Variants in MDN1 observed in about 807,000 individuals in gnomAD.
The protein encoded by MDN1 is midasin AAA ATPase 1, also known as midasin.
Under a neutral mutation model 669.2 loss-of-function variants are expected in MDN1, and 266 were observed. That is an observed-to-expected ratio of 0.40 (90% CI 0.36 to 0.44). The LOEUF (loss-of-function observed/expected upper bound fraction) is 0.44, where lower values mean the gene tolerates loss of function less well. Ranked by LOEUF, MDN1 falls within the 20% of genes least tolerant of loss-of-function variation. The pLI is 1.00. For synonymous variants in MDN1, 2,385 were observed against 2,457.1 expected (o/e 0.97, Z 0.87); for missense variants, 5,940 against 6,754.0 (o/e 0.88, Z 4.22).
Position 89,723,515 on chromosome 6 carries a change from G to A in MDN1, c.5775C>T (p.Asn1925=). 1 of 1,540,042 alleles carries A rather than the reference G, an allele frequency of 6.5e-7. No homozygotes were observed. Among genetic ancestry groups the A allele is most frequent in the Non-Finnish European group, 8.9e-7 (1 of 1,122,590 alleles). Residue 1925 remains asparagine, a synonymous_variant, in exon 39 of 102, where the codon AAC becomes AAT. Coordinates refer to ENST00000369393, the MANE Select transcript of MDN1 (RefSeq NM_014611.3). ...ACCAATACGTGTAGGTACTTACTTG[G>A]TTATTGAAAGCAACCATTTTCTTAA... ...NIVKKMVAFN[N]QIDHEVTVEK... is the part of the protein sequence containing the mutation.
intron 38 of MDN1, among the ~76,000 whole-genome samples, chr6:89,723,884 C>A (rs1815011817): frequency 6.6e-6 from 1 of 152,174 alleles, no homozygotes; most frequent in African/African-American, 2.4e-5. Flanking sequence ...GTGGCTCACA[C>A]CTGTAATCCC....
In MDN1 at chr6:89,803,890, C is replaced by CTTTCTTTTTTTTTTTT. The variant is rs377468650; in HGVS notation, c.103-337_103-336insAAAAAAAAAAAAGAAA. ...GCCACCGCGCCCGGCCTTTTCTTTT[C>CTTTCTTTTTTTTTTTT]TTTTCTTTTTTTTTTTTTTTTTTTT... On this transcript the variant is annotated intron_variant, in intron 1 of 101. Transcript: ENST00000369393. Among the ~76,000 whole-genome samples, 19 of 93,220 alleles carry CTTTCTTTTTTTTTTTT rather than the reference C, an allele frequency of 2.0e-4. 2 individuals carry two copies. Among genetic ancestry groups the CTTTCTTTTTTTTTTTT allele is most frequent in the Admixed American group, 7.6e-4 (5 of 6,622 alleles). The allele number at this position is 93,220 out of a possible 152,430, so 61.2% of individuals were successfully genotyped here. A position where few individuals can be genotyped will look rare whatever the true frequency, so the allele number is the denominator to read the frequency against.
At chr6:89,777,932 T>A (rs1037772431) in intron 11 of MDN1, among the ~76,000 whole-genome samples, 2 of 152,182 alleles carry the variant, frequency 1.3e-5, no homozygotes, top group Non-Finnish European at 2.9e-5. Flanking sequence ...CCATTTCCCA[T>A]ATGGCTAGCC....
chr6:89,810,004 A>AT lies in MDN1; in HGVS notation c.103-6451_103-6450insA, dbSNP rs1232763885. 4.1e-4 allele frequency among the ~76,000 whole-genome samples: 57 copies of AT among 140,106 alleles called. 1 individual carries two copies. The highest frequency in any genetic ancestry group is 1.5e-4 in the Admixed American group (2 of 13,782). The allele number at this position is 140,106 out of a possible 152,430, so 91.9% of individuals were successfully genotyped here. ...AGACTCCGTTTCACTAAAAAAAAAA[A>AT]AAAAAAAAAAAAAAAAAAAAAATTA... is the stretch of plus-strand genomic sequence containing the variant. On this transcript the variant is annotated intron_variant, in intron 1 of 101. Transcript: ENST00000369393.
At chr6:89,669,362 AC>A (rs1289443880) in intron 83 of MDN1, among the ~76,000 whole-genome samples, 1 of 152,144 alleles carries the variant, frequency 6.6e-6, no homozygotes, top group Non-Finnish European at 1.5e-5. Context: ...GAAACCTGAG[AC>A]TCATTCTTTT....
rs1455604962 is a variant in MDN1 at position 89,787,948 on chromosome 6, G to A, written c.1240C>T (p.Leu414=). The A allele has an allele frequency of 1.9e-6, 3 of 1,612,420 alleles. No homozygotes were observed. Among genetic ancestry groups the A allele is most frequent in the Admixed American group, 1.7e-5 (1 of 59,852 alleles). ...TCTCCATTCTCCAAGAGAGGGATCA[G>A]CACAGAAACCTAAATCAGATAACAA... ...DYAPLDVVSV[L]IPLLENGELL... is the part of the protein sequence containing the mutation. The change falls in exon 8 of 102, where the codon CTG becomes TTG. Residue 414 remains leucine (L), a synonymous_variant. Coordinates refer to ENST00000369393, the MANE Select transcript of MDN1 (RefSeq NM_014611.3).
chr6:89,672,899 A>G, intron 80 of MDN1, among the ~76,000 whole-genome samples, 197 bp from the exon 81 acceptor site: 1 of 152,350 alleles, frequency 6.6e-6, no homozygotes. Flanking sequence ...CATTTTTACT[A>G]AAATAATGTA....
intron 2 of MDN1, 23 bp from the exon 3 acceptor site, chr6:89,794,824 C>T: frequency 1.3e-6 from 2 of 1,592,262 alleles, no homozygotes; most frequent in African/African-American, 1.3e-5. Flanking sequence ...AGAATACAGA[C>T]ATCCCCAACT....
chr6:89,687,095 G>A (rs1340386332), intron 68 of MDN1, 72 bp from the exon 69 acceptor site: 3 of 1,579,608 alleles, frequency 1.9e-6, no homozygotes, highest in Admixed American at 1.8e-5. Flanking sequence ...AGATGCAGAA[G>A]CTACATGCTC....
At position 89,772,618 on chromosome 6, in the gene MDN1, C is replaced by T; in HGVS notation, c.2038G>A (p.Gly680Arg). 3 of 1,614,088 alleles carry T rather than the reference C, an allele frequency of 1.9e-6. No individual in the cohort carries two copies. The highest frequency in any genetic ancestry group is 1.1e-5 in the South Asian group (1 of 91,076). ...TGGATGGTAGAGGTTTTGCCAGTCC[C>T]GGTCTCTCCCACCAGCAACACAGGC... Reference protein sequence around the residue: ...GEPVLLVGETGTGKTSTIQYL... With the variant: ...GEPVLLVGETRTGKTSTIQYL... The change falls in exon 14 of 102, where the codon GGG (glycine) becomes AGG (arginine). Residue 680 changes from glycine to arginine, a missense_variant. Gly to Arg is a moderately radical substitution (Grantham distance 125). This residue lies in a region of MDN1 where 1,203 missense variants were observed against 1,268.9 expected (regional missense o/e 0.95). Coordinates refer to ENST00000369393, the MANE Select transcript of MDN1 (RefSeq NM_014611.3).
intron 53 of MDN1, 123 bp downstream of exon 53, chr6:89,705,936 A>G: frequency 1.2e-6 from 1 of 840,012 alleles, no homozygotes; most frequent in Non-Finnish European, 1.8e-6. Flanking sequence ...AACTGTTAAG[A>G]ATAAGTTTCT....
intron 18 of MDN1, among the ~76,000 whole-genome samples, 168 bp downstream of exon 18, chr6:89,758,647 CA>C (rs1817378310): frequency 6.6e-6 from 1 of 152,204 alleles, no homozygotes; most frequent in Admixed American, 6.5e-5. Context: ...TTGCATTCCC[CA>C]TACCACCCAA....
rs545383534 is a variant in MDN1, at chr6:89,800,841, T to TA, written c.329+2486dup. On this transcript the variant is annotated intron_variant, in intron 2 of 101. Transcript: ENST00000369393. ...AATCTTTAACCTGTGGGGTCTGTACTAAACCCAGATAGACAGTCTCAGAGT... is the reference window on the plus strand; with the variant it reads ...AATCTTTAACCTGTGGGGTCTGTACTAAAACCCAGATAGACAGTCTCAGAGT... Among the ~76,000 whole-genome samples, 208 of 152,224 alleles carry TA rather than the reference T, an allele frequency of 1.4e-3. 1 individual carries two copies. The highest frequency in any genetic ancestry group is 2.6e-3 in the Non-Finnish European group (180 of 68,016).
In MDN1 at chr6:89,816,527, C is replaced by A. The variant is rs1768845656; in HGVS notation, c.102+2979G>T. ...ATCACTTGAGCCTAGGAGTTCTAGA[C>A]CAGCCTGGACAACAAAGCAAGATCC... On this transcript the variant is annotated intron_variant, in intron 1 of 101. Coordinates refer to ENST00000369393, the MANE Select transcript of MDN1 (RefSeq NM_014611.3). 2.6e-5 allele frequency among the ~76,000 whole-genome samples: 4 copies of A among 152,028 alleles called. No individual in the cohort carries two copies. In the South Asian group the frequency reaches 8.3e-4, roughly 32 times the overall value.
chr6:89,715,503 CAGTA>C, intron 45 of MDN1, 146 bp downstream of exon 45: 1 of 618,020 alleles, frequency 1.6e-6, no homozygotes. Context: ...AGTAAAGCCT[CAGTA>C]AGTATTTGTT....
At chr6:89,668,791 A>G (rs563212362) in intron 83 of MDN1, among the ~76,000 whole-genome samples, 1 of 152,344 alleles carries the variant, frequency 6.6e-6, no homozygotes, top group South Asian at 2.1e-4. Context: ...GCGGATCAAG[A>G]GCTTTAATTA....
At chr6:89,794,035 AC>A in intron 4 of MDN1, 64 bp downstream of exon 4, 4 of 1,417,658 alleles carry the variant, frequency 2.8e-6, no homozygotes, top group African/African-American at 1.5e-5. Context: ...CTGGCCTGTC[AC>A]CCCCAGAAAA....
Position 89,749,378 on chromosome 6 carries a change from A to G in MDN1, c.3616-9T>C. The G allele has an allele frequency of 6.2e-7, 1 of 1,612,952 alleles. No individual in the cohort carries two copies. The highest frequency in any genetic ancestry group is 8.5e-7 in the Non-Finnish European group (1 of 1,179,504). On this transcript the variant is annotated splice_polypyrimidine_tract_variant and intron_variant, in intron 25 of 101. Coordinates refer to ENST00000369393, the MANE Select transcript of MDN1 (RefSeq NM_014611.3). Reference sequence around the variant, plus strand: ...AAGGCTCTAGAAAGGACCTAGACAAAGCACAGGAAGAATGCAGTAAAAGGT... The same window carrying G: ...AAGGCTCTAGAAAGGACCTAGACAAGGCACAGGAAGAATGCAGTAAAAGGT...
At chr6:89,676,245 C>T in intron 76 of MDN1, 38 bp from the exon 77 acceptor site, 1 of 1,554,122 alleles carries the variant, frequency 6.4e-7, no homozygotes, top group Non-Finnish European at 8.9e-7. Flanking sequence ...TAATTAAAAC[C>T]ACGCTCTCCC....
Sources: allele counts gnomAD v4.1 joint callset (sites outside exome capture counted in the v4.1 genomes callset), GRCh38; gene constraint gnomAD v4.1.1; regional missense constraint gnomAD v4.1.1; transcripts MANE v1.5; gene names NCBI Gene and HGNC (gene_info 2026-07-23, HGNC 2026-07-21).